The following CARS2 variants were observed in gnomAD, a reference collection of about 807,000 sequenced individuals.
CARS2 encodes the protein probable cysteine--tRNA ligase, mitochondrial.
CARS2 carries 52 observed loss-of-function variants against 68.8 expected under a neutral mutation model. The ratio of observed to expected loss-of-function variants is 0.76; its 90% CI spans 0.61 to 0.95. The LOEUF (loss-of-function observed/expected upper bound fraction) is 0.95, where lower values mean the gene tolerates loss of function less well. CARS2 is among the 40% of genes least tolerant of loss of function. The pLI, the probability that CARS2 is intolerant of heterozygous loss-of-function variation, is 0.00. For missense variants in CARS2, 780 were observed against 754.2 expected (o/e 1.03, Z -0.40); for synonymous variants, 314 against 303.6 (o/e 1.03, Z -0.36).
chr13:110,646,775 C>T (rs750779321), intron 11 of CARS2: 12 of 266,230 alleles, frequency 4.5e-5, no homozygotes, highest in Non-Finnish European at 7.8e-5. Flanking sequence ...TTCCTGCCAG[C>T]GCCGTCTCCC....
chr13:110,667,273 G>A, intron 8 of CARS2, 67 bp downstream of exon 8: 1 of 1,420,144 alleles, frequency 7.0e-7, no homozygotes, highest in Non-Finnish European at 9.7e-7. Context: ...AAATGTAGCT[G>A]TTCCGCCGAC....
rs2062672877 is a variant in CARS2, at chr13:110,667,218, G to A, written c.919+122C>T. 25 of 906,072 alleles carry A rather than the reference G, an allele frequency of 2.8e-5. No individual in the cohort carries two copies. The South Asian group carries it at 3.0e-4, about 11-fold the overall frequency. 56.1% of individuals were successfully genotyped at this position (906,072 alleles called of 1,614,324 possible). ...TTGAAACTCAAAAATAATTTAAGAGGCAAATCCATTTCTTGACCTATTAGC... is the reference window on the plus strand; with the variant it reads ...TTGAAACTCAAAAATAATTTAAGAGACAAATCCATTTCTTGACCTATTAGC... On this transcript the variant is annotated intron_variant, in intron 8 of 14. Transcript: ENST00000257347.
At chr13:110,701,901 G>C (rs1187025413) in intron 2 of CARS2, among the ~76,000 whole-genome samples, 1 of 152,142 alleles carries the variant, frequency 6.6e-6, no homozygotes, top group African/African-American at 2.4e-5. Flanking sequence ...CACCATTCTT[G>C]TTCATGTTCT....
intron 1 of CARS2, chr13:110,712,930 G>C (rs901522507): frequency 3.9e-6 from 6 of 1,556,768 alleles, no homozygotes; most frequent in Non-Finnish European, 5.2e-6. Context: ...TGGCGCAGGC[G>C]CGGGAGCCGC....
At chr13:110,671,179 G>A (rs1325099413) in intron 7 of CARS2, among the ~76,000 whole-genome samples, 1 of 152,120 alleles carries the variant, frequency 6.6e-6, no homozygotes, top group East Asian at 1.9e-4. Context: ...ACCTGACAAG[G>A]CAGGCCAACA....
At chr13:110,713,090 G>T in intron 1 of CARS2, 1 of 1,440,750 alleles carries the variant, frequency 6.9e-7, no homozygotes, top group Non-Finnish European at 9.1e-7. Context: ...TCCGCCTCCC[G>T]GAGGACTTGG....
At chr13:110,679,106 C>T (rs964246705) in intron 6 of CARS2, among the ~76,000 whole-genome samples, 26 of 148,944 alleles carry the variant, frequency 1.7e-4, no homozygotes, top group Middle Eastern at 3.5e-3. Context: ...GTGTGACCTA[C>T]GGAGCAGATG....
chr13:110,660,954 GT>G (rs2062487709), intron 9 of CARS2, among the ~76,000 whole-genome samples: 1 of 151,998 alleles, frequency 6.6e-6, no homozygotes, highest in Non-Finnish European at 1.5e-5. Flanking sequence ...TAGAGATAGG[GT>G]TTCACTGTGT....
chr13:110,679,591 GAAAGAA>G (rs1423987227), intron 6 of CARS2, among the ~76,000 whole-genome samples: 30 of 9,688 alleles, frequency 3.1e-3, no homozygotes, highest in Non-Finnish European at 0.013. Context: ...AAGAAAGAAA[GAAAGAA>G]AGAGAGAGAG....
chr13:110,683,720 T>C (rs1437447768), intron 5 of CARS2, among the ~76,000 whole-genome samples: 1 of 152,150 alleles, frequency 6.6e-6, no homozygotes, highest in East Asian at 1.9e-4. Flanking sequence ...TTTACTCAGA[T>C]TGAAAACATC....
At chr13:110,672,262 A>G (rs2062823351) in intron 7 of CARS2, among the ~76,000 whole-genome samples, 1 of 152,226 alleles carries the variant, frequency 6.6e-6, no homozygotes, top group African/African-American at 2.4e-5. Context: ...CAGAATATAC[A>G]TTCTTCTCAG....
At chr13:110,666,174 G>A (rs2062641348) in intron 8 of CARS2, 1 of 985,278 alleles carries the variant, frequency 1.0e-6, no homozygotes, top group African/African-American at 1.7e-5. Flanking sequence ...GGCTCCCTGA[G>A]GGGCGATGCC....
At chr13:110,707,140 GCAAA>G (rs1044618309), upstream of CARS2, among the ~76,000 whole-genome samples, 10 of 150,620 alleles carry the variant, frequency 6.6e-5, no homozygotes, top group African/African-American at 2.2e-4. Context: ...GTGCATCCCA[GCAAA>G]CACTGTCTGC....
At chr13:110,660,850 C>T (rs945502667) in intron 9 of CARS2, among the ~76,000 whole-genome samples, 10 of 151,640 alleles carry the variant, frequency 6.6e-5, no homozygotes, top group Non-Finnish European at 1.5e-4. Flanking sequence ...CAACCTCCGC[C>T]TCCCAGGTTC....
intron 13 of CARS2, chr13:110,643,292 G>A (rs150519945): frequency 1.5e-4 from 23 of 158,098 alleles, no homozygotes; most frequent in East Asian, 3.8e-4. Context: ...AACAGACTCC[G>A]GAAAGCCACC....
chr13:110,645,681 G>T, intron 12 of CARS2: 1 of 349,728 alleles, frequency 2.9e-6, no homozygotes, highest in African/African-American at 2.1e-5. Context: ...ATGCAGTGGG[G>T]ACATGAGATG....
chr13:110,651,638 A>C (rs1376421392), intron 9 of CARS2, among the ~76,000 whole-genome samples: 1 of 152,264 alleles, frequency 6.6e-6, no homozygotes, highest in Non-Finnish European at 1.5e-5. Context: ...GCATGCGCTA[A>C]GTCTGTCTCT....
At chr13:110,687,549 G>A (rs572181410) in intron 5 of CARS2, among the ~76,000 whole-genome samples, 172 bp downstream of exon 5, 14 of 151,808 alleles carry the variant, frequency 9.2e-5, no homozygotes, top group African/African-American at 2.9e-4. Context: ...ATGGTGGCAC[G>A]CACCTTGTAG....
At chr13:110,657,503 C>T (rs928679238) in intron 9 of CARS2, among the ~76,000 whole-genome samples, 6 of 152,172 alleles carry the variant, frequency 3.9e-5, no homozygotes, top group Admixed American at 2.6e-4. Context: ...AAGAGCCCTC[C>T]CTGGCTAAAT....
Sources: gnomAD v4.1 joint callset for allele counts (sites outside exome capture counted in the v4.1 genomes callset) on GRCh38, gnomAD v4.1.1 for gene constraint, MANE v1.5 for transcripts, NCBI Gene and HGNC (gene_info 2026-07-23, HGNC 2026-07-21) for gene names.